SORCS2: variants seen among roughly 807,000 people sequenced by gnomAD.
SORCS2 encodes VPS10 domain-containing receptor SorCS2.
A neutral mutation model predicts 141.6 loss-of-function variants in SORCS2; 100 were observed. The ratio of observed to expected loss-of-function variants is 0.71; its 90% CI spans 0.60 to 0.83. SORCS2 has a LOEUF of 0.83. SORCS2 is among the 40% of genes least tolerant of loss of function. The probability of loss-of-function intolerance (pLI) is 0.00; values close to 1 mark genes in which losing one functional copy is unlikely to be tolerated. For missense variants in SORCS2, 1,646 were observed against 1,560.2 expected (o/e 1.05, Z -0.93); for synonymous variants, 789 against 676.9 (o/e 1.17, Z -2.57).
chr4:7,385,739 G>A (rs1455853737), intron 1 of SORCS2, among the ~76,000 whole-genome samples: 8 of 152,204 alleles, frequency 5.3e-5, no homozygotes, highest in Admixed American at 6.5e-5. Context: ...CTCCTGCCTC[G>A]GGGGTATAAC....
chr4:7,386,039 C>A (rs11728442), intron 1 of SORCS2, among the ~76,000 whole-genome samples: 82,977 of 152,110 alleles, frequency 0.55, 23,229 homozygotes, highest in Middle Eastern at 0.64. Flanking sequence ...CCAAGTGGAG[C>A]AGCCACACTT....
intron 3 of SORCS2, among the ~76,000 whole-genome samples, chr4:7,587,514 G>A (rs562077779): frequency 2.6e-5 from 4 of 152,348 alleles, no homozygotes; most frequent in South Asian, 4.1e-4. Flanking sequence ...TGAGACTGAC[G>A]AATGTGCTTG....
chr4:7,693,807 GGCCA>G (rs1242042614), intron 11 of SORCS2, among the ~76,000 whole-genome samples: 1 of 152,210 alleles, frequency 6.6e-6, no homozygotes, highest in African/African-American at 2.4e-5. Context: ...TTGGCGACTC[GGCCA>G]GTCAAGGGCC....
intron 1 of SORCS2, among the ~76,000 whole-genome samples, chr4:7,367,742 G>A (rs1577453988): frequency 6.6e-6 from 1 of 152,236 alleles, no homozygotes; most frequent in Non-Finnish European, 1.5e-5. Context: ...AGCGTGCATT[G>A]AATTCACGCA....
chr4:7,622,465 G>A lies in SORCS2; in HGVS notation c.649-15863G>A, dbSNP rs139944515. Among the ~76,000 whole-genome samples, 658 of 152,310 alleles carry A rather than the reference G, an allele frequency of 4.3e-3. 8 individuals carry two copies. The highest frequency in any genetic ancestry group is 0.015 in the African/African-American group (630 of 41,572). On this transcript the variant is annotated intron_variant, in intron 3 of 26. Transcript: ENST00000507866. ...GCAGAGAGGCCGGGGCACAACTGCA[G>A]TGATTCCAGCATCAGAAGATGTGCT...
intron 9 of SORCS2, among the ~76,000 whole-genome samples, chr4:7,680,651 G>A (rs1000356518): frequency 5.9e-5 from 9 of 152,254 alleles, no homozygotes; most frequent in South Asian, 2.1e-4. Flanking sequence ...AATGCTCTGT[G>A]CATGGATTTG....
intron 3 of SORCS2, among the ~76,000 whole-genome samples, chr4:7,567,425 G>A (rs1474972298): frequency 7.4e-6 from 1 of 135,274 alleles, no homozygotes; most frequent in Non-Finnish European, 1.6e-5. Context: ...CATTTTTGAA[G>A]AGTGCTGGTC....
Position 7,734,252 on chromosome 4 carries a change from G to A in SORCS2, c.3209-20G>A, listed in dbSNP as rs531216398. On this transcript the variant is annotated intron_variant, in intron 24 of 26. Coordinates refer to ENST00000507866, the MANE Select transcript of SORCS2 (RefSeq NM_020777.3). Reference sequence around the variant, plus strand: ...TGGGCGGTGCCCGAGGTCCTCCACTGACAACCGCTTTGCTTGCAGGTGCTG... The same window carrying A: ...TGGGCGGTGCCCGAGGTCCTCCACTAACAACCGCTTTGCTTGCAGGTGCTG... 9 of 1,572,748 alleles carry A rather than the reference G, an allele frequency of 5.7e-6. No homozygotes were observed. In the South Asian group the frequency reaches 9.4e-5, roughly 16 times the overall value.
chr4:7,428,275 C>A (rs1011547923), intron 2 of SORCS2, among the ~76,000 whole-genome samples: 1 of 152,194 alleles, frequency 6.6e-6, no homozygotes, highest in Non-Finnish European at 1.5e-5. Flanking sequence ...AACACACAAC[C>A]GCAGGGCGGC....
intron 1 of SORCS2, among the ~76,000 whole-genome samples, chr4:7,385,296 C>T (rs1185783092): frequency 3.3e-5 from 5 of 152,198 alleles, no homozygotes; most frequent in African/African-American, 1.2e-4. Context: ...TAAATAAATG[C>T]AGGATCAGTG....
intron 1 of SORCS2, among the ~76,000 whole-genome samples, chr4:7,364,250 T>C (rs1721751492): frequency 6.6e-6 from 1 of 152,236 alleles, no homozygotes; most frequent in African/African-American, 2.4e-5. Context: ...CAACCCACCC[T>C]GGATAGTCTG....
At chr4:7,696,804 A>G (rs895075304) in intron 11 of SORCS2, among the ~76,000 whole-genome samples, 12 of 152,106 alleles carry the variant, frequency 7.9e-5, no homozygotes, top group Non-Finnish European at 8.8e-5. Context: ...GTCTCCAAAC[A>G]CAAACTCGGC....
Position 7,216,532 on chromosome 4 carries a change from C to G in SORCS2, c.480+23406C>G, listed in dbSNP as rs184565991. Among the ~76,000 whole-genome samples, 237 of 152,316 alleles carry G rather than the reference C, an allele frequency of 1.6e-3. 1 individual carries two copies. The highest frequency in any genetic ancestry group is 3.0e-3 in the Non-Finnish European group (203 of 68,030). On this transcript the variant is annotated intron_variant, in intron 1 of 26. Transcript: ENST00000507866. ...AAGGTCAAGGTGTCAGTGGGACTGG[C>G]TCCTTCAGGAGGCTCCAGGGGAGAT... is the stretch of plus-strand genomic sequence containing the variant.
rs747410175 is a variant in SORCS2, at chr4:7,638,453, G to A, written c.774G>A (p.Lys258=). The A allele has an allele frequency of 1.9e-6, 3 of 1,609,652 alleles. No individual in the cohort carries two copies. The highest frequency in any genetic ancestry group is 2.5e-6 in the Non-Finnish European group (3 of 1,178,266). The stretch of plus-strand genomic sequence containing the variant: ...TGGAAACTCTGATTTTCCACCCTAA[G>A]GAGGAGGACAAGGTCCTCGCCTACA... ...FFVETLIFHP[K]EEDKVLAYTK... Residue 258 remains lysine, a synonymous_variant, in exon 4 of 27, where the codon AAG becomes AAA. Coordinates refer to ENST00000507866, the MANE Select transcript of SORCS2 (RefSeq NM_020777.3).
intron 3 of SORCS2, among the ~76,000 whole-genome samples, chr4:7,550,527 A>T (rs926841588): frequency 6.6e-6 from 1 of 152,220 alleles, no homozygotes; most frequent in Non-Finnish European, 1.5e-5. Flanking sequence ...TTGGAAAGAC[A>T]TGAGATAGAA....
intron 2 of SORCS2, among the ~76,000 whole-genome samples, chr4:7,463,289 G>A (rs1489875037): frequency 2.6e-5 from 4 of 152,202 alleles, no homozygotes; most frequent in African/African-American, 9.7e-5. Flanking sequence ...AGAAAATGGG[G>A]CTGTGGTATC....
chr4:7,452,437 C>CGG (rs992567096), intron 2 of SORCS2, among the ~76,000 whole-genome samples: 10 of 152,240 alleles, frequency 6.6e-5, no homozygotes, highest in African/African-American at 2.2e-4. Context: ...CCACTGTGCT[C>CGG]GGCCTGGAAG....
intron 1 of SORCS2, among the ~76,000 whole-genome samples, chr4:7,261,060 A>T: frequency 6.6e-6 from 1 of 152,176 alleles, no homozygotes; most frequent in Admixed American, 6.5e-5. Flanking sequence ...AGAGAATTGA[A>T]GTTCTAACTT....
intron 1 of SORCS2, among the ~76,000 whole-genome samples, chr4:7,327,597 G>T (rs6840423): frequency 0.15 from 22,893 of 152,192 alleles, 1,981 homozygotes; most frequent in African/African-American, 0.23. Flanking sequence ...CTGCCCCAGC[G>T]TGTGTCCCTG....
Sources: allele counts gnomAD v4.1 joint callset (sites outside exome capture counted in the v4.1 genomes callset), GRCh38; gene constraint gnomAD v4.1.1; transcripts MANE v1.5; gene names NCBI Gene and HGNC (gene_info 2026-07-23, HGNC 2026-07-21).